WWOX: variants seen among roughly 807,000 people sequenced by gnomAD.
The protein encoded by WWOX is WW domain containing oxidoreductase.
In WWOX, 69 loss-of-function variants were observed where a neutral mutation model predicts 46.2. The ratio of observed to expected loss-of-function variants is 1.49; its 90% CI spans 1.23 to 1.82. The LOEUF (loss-of-function observed/expected upper bound fraction) is 1.82. Ranked by LOEUF, WWOX falls within the 40% of genes most tolerant of loss-of-function variation. The pLI is 0.00. For missense variants in WWOX, 919 were observed against 542.6 expected (o/e 1.69, Z -6.89); for synonymous variants, 359 against 202.6 (o/e 1.77, Z -6.56).
chr16:78,440,578 AACACAACTGC>A (rs2083421722), intron 8 of WWOX, among the ~76,000 whole-genome samples: 1 of 151,988 alleles, frequency 6.6e-6, no homozygotes, highest in African/African-American at 2.4e-5. Flanking sequence ...CATAACATTG[AACACAACTGC>A]AGTTTGAAAA....
At chr16:78,390,401 A>G (rs2082153264) in intron 6 of WWOX, among the ~76,000 whole-genome samples, 1 of 152,182 alleles carries the variant, frequency 6.6e-6, no homozygotes, top group South Asian at 2.1e-4. Flanking sequence ...ACTCTCACCC[A>G]TTTTGCCCTA....
chr16:78,970,092 A>T lies in WWOX; in HGVS notation c.1057-241516A>T, dbSNP rs540464292. ...ACGCTCAAATTTCCCAAGTGCCCTC[A>T]TTTAAGTCTGGACCACGACAGGAAC... On this transcript the variant is annotated intron_variant, in intron 8 of 8. Transcript: ENST00000566780. 3.2e-4 allele frequency among the ~76,000 whole-genome samples: 49 copies of T among 152,296 alleles called. 1 individual carries two copies. In the South Asian group the frequency reaches 1.0e-2, roughly 31 times the overall value.
At chr16:78,788,237 C>T (rs1265037000) in intron 8 of WWOX, among the ~76,000 whole-genome samples, 1 of 152,208 alleles carries the variant, frequency 6.6e-6, no homozygotes, top group Non-Finnish European at 1.5e-5. Flanking sequence ...AGGACATAAA[C>T]ATTTACTCCT....
At chr16:78,541,452 C>G (rs750773311) in intron 8 of WWOX, among the ~76,000 whole-genome samples, 3 of 105,892 alleles carry the variant, frequency 2.8e-5, no homozygotes, top group Non-Finnish European at 5.1e-5. Flanking sequence ...CCAGCCTGGG[C>G]GACAGAGCGA....
intron 8 of WWOX, among the ~76,000 whole-genome samples, chr16:79,140,814 A>G (rs1009105108): frequency 1.3e-5 from 2 of 150,410 alleles, no homozygotes. Flanking sequence ...ACTTCTGAGT[A>G]AGTAGGGGGA....
At chr16:78,524,336 C>T (rs2151502674) in intron 8 of WWOX, among the ~76,000 whole-genome samples, 1 of 152,244 alleles carries the variant, frequency 6.6e-6, no homozygotes, top group South Asian at 2.1e-4. Flanking sequence ...TTTCTTCTCC[C>T]TCTCCATTAA....
At chr16:78,278,762 GAC>G in intron 5 of WWOX, 2 of 1,052,770 alleles carry the variant, frequency 1.9e-6, no homozygotes, top group South Asian at 2.9e-5. Flanking sequence ...TCGGTGATCT[GAC>G]AGACATGTAC....
chr16:78,317,436 G>C (rs1223014724), intron 5 of WWOX, among the ~76,000 whole-genome samples: 1 of 152,112 alleles, frequency 6.6e-6, no homozygotes, highest in Non-Finnish European at 1.5e-5. Context: ...CAATGTGCAG[G>C]ACCGTGCCCA....
At chr16:78,207,773 A>G (rs896183575) in intron 5 of WWOX, among the ~76,000 whole-genome samples, 6 of 151,914 alleles carry the variant, frequency 3.9e-5, no homozygotes, top group African/African-American at 1.2e-4. Context: ...AAAAAAAAAA[A>G]AAAAAAGGGT....
At position 78,783,238 on chromosome 16, in the gene WWOX, A is replaced by C. The variant is rs536141334; in HGVS notation, c.1056+350486A>C. Among the ~76,000 whole-genome samples, 211 of 152,362 alleles carry C rather than the reference A, an allele frequency of 1.4e-3. 1 individual carries two copies. The highest frequency in any genetic ancestry group is 4.8e-3 in the African/African-American group (201 of 41,586). ...ACTTGACTTAACTGTTCTCTTAGTCATCAGACATTTAGATTTCAACAGGCT... is the reference window on the plus strand; with the variant it reads ...ACTTGACTTAACTGTTCTCTTAGTCCTCAGACATTTAGATTTCAACAGGCT... On this transcript the variant is annotated intron_variant, in intron 8 of 8. Transcript: ENST00000566780.
intron 5 of WWOX, among the ~76,000 whole-genome samples, chr16:78,267,640 C>G (rs1397883395): frequency 1.3e-5 from 2 of 152,216 alleles, no homozygotes; most frequent in Non-Finnish European, 2.9e-5. Context: ...GAGACATGAG[C>G]TGCAGGACAT....
intron 8 of WWOX, among the ~76,000 whole-genome samples, chr16:78,910,236 C>T (rs1303630558): frequency 1.3e-5 from 2 of 150,196 alleles, no homozygotes; most frequent in South Asian, 2.1e-4. Flanking sequence ...GGGAGATTTA[C>T]AAGCCAGTGC....
intron 8 of WWOX, among the ~76,000 whole-genome samples, chr16:79,189,751 G>A (rs1006576016): frequency 6.6e-6 from 1 of 151,914 alleles, no homozygotes; most frequent in Non-Finnish European, 1.5e-5. Flanking sequence ...TCATTTGCTT[G>A]GCTGTCCTGA....
intron 8 of WWOX, among the ~76,000 whole-genome samples, chr16:78,867,516 G>A (rs1484828998): frequency 6.8e-6 from 1 of 146,506 alleles, no homozygotes; most frequent in South Asian, 2.1e-4. Flanking sequence ...GTGTGTATGT[G>A]TGTGTGTTTT....
At chr16:78,799,784 T>C (rs1397617622) in intron 8 of WWOX, among the ~76,000 whole-genome samples, 1 of 152,254 alleles carries the variant, frequency 6.6e-6, no homozygotes, top group Non-Finnish European at 1.5e-5. Context: ...AGAACAAATT[T>C]ATTTAGATAT....
chr16:78,754,365 C>T (rs984155822), intron 8 of WWOX, among the ~76,000 whole-genome samples: 1 of 152,032 alleles, frequency 6.6e-6, no homozygotes, highest in Non-Finnish European at 1.5e-5. Context: ...GTACCTGTGT[C>T]TTATTATTGA....
At chr16:78,536,990 G>A (rs950387073) in intron 8 of WWOX, among the ~76,000 whole-genome samples, 1 of 147,244 alleles carries the variant, frequency 6.8e-6, no homozygotes, top group Non-Finnish European at 1.5e-5. Flanking sequence ...AATCTCAACT[G>A]ACTGCAACGT....
At chr16:78,678,950 G>C (rs1052943992) in intron 8 of WWOX, among the ~76,000 whole-genome samples, 1 of 152,098 alleles carries the variant, frequency 6.6e-6, no homozygotes, top group African/African-American at 2.4e-5. Flanking sequence ...CCTGGCATAC[G>C]GCATCAGTTC....
In WWOX at chr16:78,774,989, A is replaced by G. The variant is rs569428311; in HGVS notation, c.1056+342237A>G. ...GTATGCTCGAAGAGGGGCTGCAGGT[A>G]GAACTAGAAAGGTAGGTAAGTTGGG... On this transcript the variant is annotated intron_variant, in intron 8 of 8. Transcript: ENST00000566780. Among the ~76,000 whole-genome samples, 19 of 152,282 alleles carry G rather than the reference A, an allele frequency of 1.2e-4. 1 individual carries two copies. In the South Asian group the frequency reaches 3.9e-3, roughly 32 times the overall value.
Sources: allele counts gnomAD v4.1 joint callset (sites outside exome capture counted in the v4.1 genomes callset), GRCh38; gene constraint gnomAD v4.1.1; transcripts MANE v1.5; gene names NCBI Gene and HGNC (gene_info 2026-07-23, HGNC 2026-07-21).